The following ERC1 variants were observed in gnomAD, a reference collection of about 807,000 sequenced individuals.
ERC1 encodes ELKS/RAB6-interacting/CAST family member 1, also known as RAB6 interacting protein 2.
A neutral mutation model predicts 132.0 loss-of-function variants in ERC1; 56 were observed. The observed-to-expected ratio is 0.42, with a 90% CI of 0.34 to 0.53. The LOEUF (loss-of-function observed/expected upper bound fraction) is 0.53, where lower values mean the gene tolerates loss of function less well. Ranked by LOEUF, ERC1 falls within the 20% of genes least tolerant of loss-of-function variation. The probability of loss-of-function intolerance (pLI) is 0.03; values close to 1 mark genes in which losing one functional copy is unlikely to be tolerated. For synonymous variants in ERC1, 478 were observed against 476.1 expected (o/e 1.00, Z -0.05); for missense variants, 1,202 against 1,349.9 (o/e 0.89, Z 1.72).
At chr12:1,231,022 G>A (rs1410129885) in intron 12 of ERC1, among the ~76,000 whole-genome samples, 1 of 152,094 alleles carries the variant, frequency 6.6e-6, no homozygotes, top group Non-Finnish European at 1.5e-5. Flanking sequence ...TAGCCACTCT[G>A]TATCTTTTGA....
At chr12:1,376,743 A>C (rs919202765) in intron 16 of ERC1, among the ~76,000 whole-genome samples, 2 of 152,270 alleles carry the variant, frequency 1.3e-5, no homozygotes, top group Non-Finnish European at 2.9e-5. Flanking sequence ...AGAATAATAC[A>C]AACAATGCTA....
intron 2 of ERC1, among the ~76,000 whole-genome samples, chr12:1,045,726 T>A (rs1970978669): frequency 6.6e-6 from 1 of 152,168 alleles, no homozygotes; most frequent in East Asian, 1.9e-4. Flanking sequence ...GAAGTGTACA[T>A]ACTAGTTTAA....
chr12:1,396,901 G>A lies in ERC1; in HGVS notation c.2926-11248G>A, dbSNP rs371628106. 1.8e-4 allele frequency among the ~76,000 whole-genome samples: 27 copies of A among 152,092 alleles called. 1 individual carries two copies. Among genetic ancestry groups the A allele is most frequent in the Non-Finnish European group, 1.5e-5 (1 of 68,010 alleles). On this transcript the variant is annotated intron_variant, in intron 16 of 18. Coordinates refer to ENST00000360905, the MANE Select transcript of ERC1 (RefSeq NM_178040.4). ...AAAAGCAAGACTCGTTCAGTCAAACGCCTACCAGTGACAGATGACAAAGAA... is the reference window on the plus strand; with the variant it reads ...AAAAGCAAGACTCGTTCAGTCAAACACCTACCAGTGACAGATGACAAAGAA...
chr12:1,448,025 T>G (rs1432391125), intron 18 of ERC1, among the ~76,000 whole-genome samples: 5 of 152,120 alleles, frequency 3.3e-5, no homozygotes, highest in Non-Finnish European at 7.4e-5. Context: ...CTTAACTCAG[T>G]CTTACCAAGG....
intron 15 of ERC1, among the ~76,000 whole-genome samples, chr12:1,320,999 C>A (rs1327539049): frequency 1.3e-5 from 2 of 152,218 alleles, no homozygotes; most frequent in Admixed American, 1.3e-4. Context: ...CCACTCCCAG[C>A]CTCTAGTTGA....
At chr12:1,461,276 G>A (rs1042772260) in intron 18 of ERC1, among the ~76,000 whole-genome samples, 1 of 152,128 alleles carries the variant, frequency 6.6e-6, no homozygotes, top group African/African-American at 2.4e-5. Context: ...TGTATAACCT[G>A]TATGTTGAAT....
intron 6 of ERC1, among the ~76,000 whole-genome samples, chr12:1,114,568 C>A (rs555431573): frequency 2.6e-4 from 40 of 152,208 alleles, no homozygotes; most frequent in African/African-American, 9.4e-4. Flanking sequence ...GTTTTTGTTA[C>A]AATCAGTGTG....
At chr12:1,347,372 A>G (rs1407087763) in intron 15 of ERC1, among the ~76,000 whole-genome samples, 2 of 152,212 alleles carry the variant, frequency 1.3e-5, no homozygotes, top group Non-Finnish European at 2.9e-5. Flanking sequence ...AAAATTGTGT[A>G]TGTCCATCAT....
At chr12:1,414,504 G>C (rs1193238819) in intron 17 of ERC1, among the ~76,000 whole-genome samples, 1 of 152,124 alleles carries the variant, frequency 6.6e-6, no homozygotes, top group Non-Finnish European at 1.5e-5. Flanking sequence ...TGAATTTTGA[G>C]GGGACACAAA....
intron 2 of ERC1, among the ~76,000 whole-genome samples, chr12:1,061,549 G>T: frequency 6.6e-6 from 1 of 152,114 alleles, no homozygotes. Flanking sequence ...GTTGCAGTGA[G>T]TTGAGATTGC....
intron 8 of ERC1, among the ~76,000 whole-genome samples, chr12:1,171,344 G>A (rs1042146572): frequency 6.6e-6 from 1 of 150,402 alleles, no homozygotes; most frequent in African/African-American, 2.5e-5. Flanking sequence ...GCAATAGTCT[G>A]GGCAAAACAT....
At chr12:1,260,617 A>G (rs1228078802) in intron 13 of ERC1, among the ~76,000 whole-genome samples, 1 of 152,180 alleles carries the variant, frequency 6.6e-6, no homozygotes, top group Non-Finnish European at 1.5e-5. Context: ...TTCTTGGTTT[A>G]TTTTAGCAGA....
chr12:1,066,165 A>G (rs1302346465), intron 2 of ERC1, among the ~76,000 whole-genome samples: 2 of 152,244 alleles, frequency 1.3e-5, no homozygotes, highest in Non-Finnish European at 2.9e-5. Context: ...ATTTTATGTT[A>G]TATGAACTAC....
chr12:1,218,098 C>T (rs745351704), intron 12 of ERC1, among the ~76,000 whole-genome samples: 1 of 152,170 alleles, frequency 6.6e-6, no homozygotes, highest in Non-Finnish European at 1.5e-5. Context: ...GCAAATCCTT[C>T]GCCTCCACTC....
intron 16 of ERC1, chr12:1,385,918 A>G (rs776514158): frequency 5.9e-5 from 9 of 152,038 alleles, no homozygotes; most frequent in Non-Finnish European, 8.8e-5. Context: ...CCTTTTTATT[A>G]CCATAATGAT....
chr12:1,341,032 T>C (rs1018552209), intron 15 of ERC1, among the ~76,000 whole-genome samples: 2 of 149,964 alleles, frequency 1.3e-5, no homozygotes, highest in Non-Finnish European at 3.0e-5. Flanking sequence ...TTAACATTTC[T>C]ATTTTTCCTT....
intron 18 of ERC1, among the ~76,000 whole-genome samples, chr12:1,471,980 C>T (rs1443959605): frequency 6.6e-6 from 1 of 152,182 alleles, no homozygotes; most frequent in Non-Finnish European, 1.5e-5. Context: ...CCTCTTGAGA[C>T]CTCAGCTGTC....
chr12:1,173,154 G>T (rs1022013693), intron 8 of ERC1, among the ~76,000 whole-genome samples: 5 of 152,188 alleles, frequency 3.3e-5, no homozygotes, highest in Non-Finnish European at 5.9e-5. Context: ...TTTATGGAAA[G>T]ATGCTTTATG....
At chr12:1,324,314 A>G (rs1213135121) in intron 15 of ERC1, among the ~76,000 whole-genome samples, 1 of 152,180 alleles carries the variant, frequency 6.6e-6, no homozygotes, top group African/African-American at 2.4e-5. Flanking sequence ...AGTCTACCCT[A>G]GGAGCAACTG....
Sources: allele counts gnomAD v4.1 joint callset (sites outside exome capture counted in the v4.1 genomes callset), GRCh38; gene constraint gnomAD v4.1.1; transcripts MANE v1.5; gene names NCBI Gene and HGNC (gene_info 2026-07-23, HGNC 2026-07-21).